Variants in NAV3 observed in about 807,000 individuals in gnomAD.
NAV3 encodes neuron navigator 3, also known as pore membrane and/or filament interacting like protein 1.
NAV3 carries 87 observed loss-of-function variants against 244.7 expected under a neutral mutation model. The observed-to-expected ratio is 0.36, with a 90% CI of 0.30 to 0.42. The LOEUF (loss-of-function observed/expected upper bound fraction) is 0.42, where lower values mean the gene tolerates loss of function less well. NAV3 is among the 20% of genes least tolerant of loss of function. The pLI is 1.00. For synonymous variants in NAV3, 1,126 were observed against 1,042.2 expected, an observed-to-expected ratio of 1.08 and a Z score of -1.55; for missense variants, 2,663 against 2,893.3, an observed-to-expected ratio of 0.92 and a Z score of 1.83.
intron 2 of NAV3, among the ~76,000 whole-genome samples, chr12:77,577,636 C>T (rs756607255): frequency 1.3e-5 from 2 of 152,080 alleles, no homozygotes; most frequent in Non-Finnish European, 2.9e-5. Flanking sequence ...ATATATAACA[C>T]TCAATATATT....
At position 77,870,754 on chromosome 12, in the gene NAV3, T is replaced by G. The variant is rs150776765; in HGVS notation, c.243+39050T>G. On this transcript the variant is annotated intron_variant, in intron 1 of 39. Transcript: ENST00000397909. Reference sequence around the variant, plus strand: ...AATCTGACTAGAAGAATCTAATCCATGAGGATCATATAAACTGAGAAAGGG... The same window carrying G: ...AATCTGACTAGAAGAATCTAATCCAGGAGGATCATATAAACTGAGAAAGGG... Among the ~76,000 whole-genome samples the G allele has an allele frequency of 3.3e-5, 5 of 152,258 alleles. No individual in the cohort carries two copies. The East Asian group carries it at 9.7e-4, about 29-fold the overall frequency.
chr12:77,641,442 A>G (rs1050656009), intron 2 of NAV3, among the ~76,000 whole-genome samples: 4 of 151,592 alleles, frequency 2.6e-5, no homozygotes, highest in African/African-American at 7.2e-5. Flanking sequence ...TAGTTTTCTC[A>G]GAAGAAGTAA....
At chr12:77,773,023 C>T (rs1328042216) in intron 2 of NAV3, among the ~76,000 whole-genome samples, 1 of 152,040 alleles carries the variant, frequency 6.6e-6, no homozygotes, top group Non-Finnish European at 1.5e-5. Context: ...TTCTATCATC[C>T]CAATTTTTTA....
At chr12:77,682,209 A>C (rs1361198246) in intron 2 of NAV3, among the ~76,000 whole-genome samples, 1 of 152,088 alleles carries the variant, frequency 6.6e-6, no homozygotes, top group Non-Finnish European at 1.5e-5. Flanking sequence ...TGTTTCTATA[A>C]GCTCAACTCT....
intron 8 of NAV3, among the ~76,000 whole-genome samples, chr12:78,017,343 G>A (rs930217458): frequency 6.6e-6 from 1 of 152,136 alleles, no homozygotes; most frequent in Non-Finnish European, 1.5e-5. Flanking sequence ...TGAGGTGAGA[G>A]CATCTCTTGA....
intron 9 of NAV3, among the ~76,000 whole-genome samples, chr12:78,043,901 G>T (rs1354241271): frequency 6.6e-6 from 1 of 152,158 alleles, no homozygotes. Flanking sequence ...TCTGATGATA[G>T]TTTCTTTTGC....
At position 78,075,651 on chromosome 12, in the gene NAV3, T is replaced by C. The variant is rs140093476; in HGVS notation, c.2636+16536T>C. 2.9e-3 allele frequency among the ~76,000 whole-genome samples: 437 copies of C among 152,324 alleles called. 4 individuals are homozygous for C. The highest frequency in any genetic ancestry group is 0.01 in the African/African-American group (420 of 41,580). On this transcript the variant is annotated intron_variant, in intron 12 of 39. Coordinates refer to ENST00000397909, the MANE Select transcript of NAV3 (RefSeq NM_001024383.2). ...TTAAGTGAAAAGAGAGTATGAGATT[T>C]TTAGATATAAAGACTTAGATTTATA... is the stretch of plus-strand genomic sequence containing the variant.
intron 2 of NAV3, among the ~76,000 whole-genome samples, chr12:77,716,808 G>A (rs1030911786): frequency 2.6e-5 from 4 of 151,892 alleles, no homozygotes; most frequent in South Asian, 4.2e-4. Flanking sequence ...CCTATAAAAA[G>A]GGTTCTGCAA....
At chr12:77,830,345 T>C (rs1873478446), upstream of NAV3, among the ~76,000 whole-genome samples, 2 of 152,210 alleles carry the variant, frequency 1.3e-5, no homozygotes, top group African/African-American at 4.8e-5. Flanking sequence ...TTCATCATTT[T>C]AGTCAATTTT....
At chr12:77,911,438 G>A (rs181469952) in intron 1 of NAV3, among the ~76,000 whole-genome samples, 1 of 152,190 alleles carries the variant, frequency 6.6e-6, no homozygotes, top group East Asian at 1.9e-4. Context: ...TTATGTCTGT[G>A]CTTCTGTTAA....
At chr12:77,700,453 C>T (rs1338861820) in intron 2 of NAV3, among the ~76,000 whole-genome samples, 2 of 152,062 alleles carry the variant, frequency 1.3e-5, no homozygotes, top group Non-Finnish European at 2.9e-5. Context: ...TAAAAACAAT[C>T]ACGTTATTTG....
At chr12:77,739,185 TGTGA>T (rs1868284198) in intron 2 of NAV3, among the ~76,000 whole-genome samples, 2 of 151,602 alleles carry the variant, frequency 1.3e-5, no homozygotes, top group South Asian at 2.1e-4. Flanking sequence ...AAAGAGTTGT[TGTGA>T]GTATTAAAAG....
Position 78,075,918 on chromosome 12 carries a change from G to T in NAV3, c.2636+16803G>T, listed in dbSNP as rs554328342. Reference sequence around the variant, plus strand: ...TCCAGTGGGAGAGAAACAAGCTTCTGCAAGGTTCCCAAGAGTCAAGTGGAT... The same window carrying T: ...TCCAGTGGGAGAGAAACAAGCTTCTTCAAGGTTCCCAAGAGTCAAGTGGAT... On this transcript the variant is annotated intron_variant, in intron 12 of 39. Transcript: ENST00000397909. Among the ~76,000 whole-genome samples the T allele has an allele frequency of 1.2e-4, 18 of 152,292 alleles. No homozygotes were observed. The South Asian group carries it at 3.3e-3, about 28-fold the overall frequency.
At chr12:77,640,062 T>A (rs775404627) in intron 2 of NAV3, among the ~76,000 whole-genome samples, 3 of 152,194 alleles carry the variant, frequency 2.0e-5, no homozygotes, top group Non-Finnish European at 4.4e-5. Flanking sequence ...TCTTAGAGAT[T>A]AAGGCTTGTT....
chr12:77,638,636 G>C (rs1037523150), intron 2 of NAV3, among the ~76,000 whole-genome samples: 1 of 152,186 alleles, frequency 6.6e-6, no homozygotes, highest in Non-Finnish European at 1.5e-5. Flanking sequence ...AGCAACTTAA[G>C]AGGATTCATA....
At chr12:77,975,489 T>C (rs1868308088) in intron 5 of NAV3, among the ~76,000 whole-genome samples, 2 of 152,178 alleles carry the variant, frequency 1.3e-5, no homozygotes, top group African/African-American at 4.8e-5. Context: ...GTGGGAACAA[T>C]TTTTTGCTAA....
intron 2 of NAV3, among the ~76,000 whole-genome samples, chr12:77,739,667 T>C (rs1868291799): frequency 6.6e-6 from 1 of 152,180 alleles, no homozygotes; most frequent in African/African-American, 2.4e-5. Context: ...ACTATTCCTT[T>C]AGCAGCAAAT....
At chr12:78,175,896 G>T (rs1355793166) in intron 25 of NAV3, among the ~76,000 whole-genome samples, 2 of 134,068 alleles carry the variant, frequency 1.5e-5, no homozygotes, top group Admixed American at 7.2e-5. Context: ...GATGATGATG[G>T]TGATGATGAT....
intron 2 of NAV3, among the ~76,000 whole-genome samples, chr12:77,606,880 C>T (rs1592498227): frequency 6.6e-6 from 1 of 152,070 alleles, no homozygotes; most frequent in Non-Finnish European, 1.5e-5. Flanking sequence ...GATTGCATTC[C>T]TTTAGGTCAT....
Sources: gnomAD v4.1 joint callset for allele counts (sites outside exome capture counted in the v4.1 genomes callset) on GRCh38, gnomAD v4.1.1 for gene constraint, MANE v1.5 for transcripts, NCBI Gene and HGNC (gene_info 2026-07-23, HGNC 2026-07-21) for gene names.